ANKRD44: variants seen among roughly 807,000 people sequenced by gnomAD.
ANKRD44 encodes serine/threonine-protein phosphatase 6 regulatory ankyrin repeat subunit B.
Under a neutral mutation model 116.0 loss-of-function variants are expected in ANKRD44, and 35 were observed. The observed-to-expected ratio is 0.30, with a 90% confidence interval of 0.23 to 0.40. The LOEUF (loss-of-function observed/expected upper bound fraction) is 0.40, where lower values mean the gene tolerates loss of function less well. Ranked by LOEUF, ANKRD44 falls within the 10% of genes least tolerant of loss-of-function variation. The pLI is 1.00. For synonymous variants in ANKRD44, 435 were observed against 461.8 expected (o/e 0.94, Z 0.74); for missense variants, 1,014 against 1,242.6 (o/e 0.82, Z 2.77).
rs780660855 is a variant in ANKRD44 at position 196,990,741 on chromosome 2, C to T, written c.2924-1092G>A. ...CCCATCCTCCGAGCCTACGTTGTTA[C>T]TGCACAGGCTAACCATGCTACCCAG... On this transcript the variant is annotated intron_variant, in intron 27 of 27. Transcript: ENST00000282272. 31 of 1,232,096 alleles carry T rather than the reference C, an allele frequency of 2.5e-5. No homozygotes were observed. In the African/African-American group the frequency reaches 4.2e-4, roughly 17 times the overall value. 76.3% of individuals were successfully genotyped at this position (1,232,096 alleles called of 1,614,324 possible).
chr2:197,159,978 G>C (rs2079918385), intron 2 of ANKRD44, among the ~76,000 whole-genome samples: 4 of 152,058 alleles, frequency 2.6e-5, no homozygotes, highest in Non-Finnish European at 5.9e-5. Flanking sequence ...CATTTTGGAG[G>C]CCTTTGGTTC....
intron 21 of ANKRD44, among the ~76,000 whole-genome samples, chr2:196,969,619 A>T (rs1005743076): frequency 1.6e-4 from 25 of 152,356 alleles, no homozygotes; most frequent in African/African-American, 6.0e-4. Context: ...TGGCATCTAC[A>T]TTGCTAGTGA....
At chr2:197,265,233 T>C (rs2082710380) in intron 1 of ANKRD44, among the ~76,000 whole-genome samples, 1 of 140,726 alleles carries the variant, frequency 7.1e-6, no homozygotes, top group South Asian at 2.2e-4. Context: ...ACTTTTTTTC[T>C]TTTTTTTTTT....
intron 1 of ANKRD44, among the ~76,000 whole-genome samples, chr2:197,207,950 G>A (rs1283229051): frequency 1.3e-5 from 2 of 152,024 alleles, no homozygotes; most frequent in South Asian, 2.1e-4. Flanking sequence ...TCTATAAATT[G>A]TACAGCCAGG....
chr2:197,162,694 C>T (rs2079997529), intron 2 of ANKRD44, among the ~76,000 whole-genome samples: 1 of 152,208 alleles, frequency 6.6e-6, no homozygotes, highest in Non-Finnish European at 1.5e-5. Context: ...CACCCTGCAT[C>T]CCCTCCTCCA....
intron 1 of ANKRD44, among the ~76,000 whole-genome samples, chr2:197,207,820 A>G (rs1377695430): frequency 6.6e-6 from 1 of 152,200 alleles, no homozygotes; most frequent in Non-Finnish European, 1.5e-5. Context: ...TTGGCAACTC[A>G]AAGAAAAACA....
At chr2:197,207,938 C>A (rs2125685322) in intron 1 of ANKRD44, among the ~76,000 whole-genome samples, 1 of 152,292 alleles carries the variant, frequency 6.6e-6, no homozygotes, top group Non-Finnish European at 1.5e-5. Context: ...CTTCCTCCCC[C>A]TTCTATAAAT....
At chr2:197,045,445 T>C (rs4389348) in intron 16 of ANKRD44, among the ~76,000 whole-genome samples, 117,824 of 150,504 alleles carry the variant, frequency 0.78, 47,921 homozygotes, top group Non-Finnish European at 0.89. Context: ...TATTTCCACC[T>C]GTGTTATTCA....
intron 6 of ANKRD44, among the ~76,000 whole-genome samples, chr2:197,123,285 G>C (rs111698099): frequency 3.9e-5 from 6 of 152,226 alleles, no homozygotes; most frequent in African/African-American, 9.6e-5. Flanking sequence ...ACTGTATTTG[G>C]ACCCACAAAA....
intron 10 of ANKRD44, among the ~76,000 whole-genome samples, chr2:197,096,368 A>T (rs149294691): frequency 6.6e-6 from 1 of 152,358 alleles, no homozygotes; most frequent in East Asian, 1.9e-4. Context: ...GTTGAGGCAG[A>T]AAAAGAATGC....
At chr2:197,132,783 T>C (rs1416541130) in intron 4 of ANKRD44, among the ~76,000 whole-genome samples, 1 of 152,114 alleles carries the variant, frequency 6.6e-6, no homozygotes, top group Admixed American at 6.5e-5. Context: ...AACCCAGTCT[T>C]TAATGAATAA....
chr2:197,124,191 A>T (rs1020334333), intron 6 of ANKRD44, among the ~76,000 whole-genome samples: 8 of 152,122 alleles, frequency 5.3e-5, no homozygotes, highest in African/African-American at 1.4e-4. Context: ...TAATGCTTGT[A>T]AAAGTTTAAG....
intron 1 of ANKRD44, among the ~76,000 whole-genome samples, chr2:197,235,633 A>G (rs981035952): frequency 6.6e-6 from 1 of 151,130 alleles, no homozygotes; most frequent in Non-Finnish European, 1.5e-5. Flanking sequence ...AAAAAAAAAA[A>G]GTAGTGTAAG....
intron 16 of ANKRD44, among the ~76,000 whole-genome samples, chr2:197,067,396 C>T (rs946934656): frequency 5.3e-5 from 8 of 152,156 alleles, no homozygotes; most frequent in African/African-American, 1.9e-4. Flanking sequence ...GTCTAAAACA[C>T]CAAAAGCACC....
At chr2:197,002,325 T>C (rs2076128339) in intron 21 of ANKRD44, among the ~76,000 whole-genome samples, 1 of 152,240 alleles carries the variant, frequency 6.6e-6, no homozygotes, top group Admixed American at 6.5e-5. Flanking sequence ...GTGTTTTAAC[T>C]GCCCCCAAGA....
intron 23 of ANKRD44, 142 bp downstream of exon 23, chr2:197,000,277 A>T: frequency 1.5e-6 from 1 of 653,414 alleles, no homozygotes; most frequent in Non-Finnish European, 2.6e-6. Flanking sequence ...AATTTATTTT[A>T]ATTATACACC....
In ANKRD44 at chr2:196,995,374, C is replaced by T; in HGVS notation, c.2831+5G>A. 2.5e-6 allele frequency: 4 copies of T among 1,606,342 alleles called. No homozygotes were observed. Among genetic ancestry groups the T allele is most frequent in the Non-Finnish European group, 3.4e-6 (4 of 1,174,872 alleles). ...TTCAAGTCCAACTTTAGTAGTTACA[C>T]TTACGTCTGCAGTGCATTATTTTTT... On this transcript the variant is annotated splice_donor_5th_base_variant and intron_variant, in intron 26 of 27. Coordinates refer to ENST00000282272, the MANE Select transcript of ANKRD44 (RefSeq NM_001195144.2).
intron 1 of ANKRD44, among the ~76,000 whole-genome samples, chr2:197,221,827 C>A (rs970079453): frequency 5.9e-5 from 9 of 152,156 alleles, no homozygotes; most frequent in African/African-American, 2.2e-4. Context: ...AAGCTGAGGA[C>A]TAGAAAGCAC....
At chr2:197,182,514 G>A (rs1035078636) in intron 2 of ANKRD44, among the ~76,000 whole-genome samples, 1 of 152,188 alleles carries the variant, frequency 6.6e-6, no homozygotes, top group African/African-American at 2.4e-5. Context: ...AATAAAGTAG[G>A]GTTGAGTCAT....
Sources: allele counts gnomAD v4.1 joint callset (sites outside exome capture counted in the v4.1 genomes callset), GRCh38; gene constraint gnomAD v4.1.1; transcripts MANE v1.5; gene names NCBI Gene and HGNC (gene_info 2026-07-23, HGNC 2026-07-21).